Variants in C8orf89 observed in about 807,000 individuals in gnomAD.
C8orf89 encodes putative uncharacterized protein C8orf89.
In C8orf89, 14 loss-of-function variants were observed where a neutral mutation model predicts 15.8. The ratio of observed to expected loss-of-function variants is 0.89; its 90% CI spans 0.59 to 1.39. The LOEUF is 1.39. Ranked by LOEUF, C8orf89 falls within the 40% of genes most tolerant of loss-of-function variation. The pLI is 0.00. For missense variants in C8orf89, 181 were observed against 184.5 expected, an observed-to-expected ratio of 0.98 and a Z score of 0.11; for synonymous variants, 55 against 62.2, an observed-to-expected ratio of 0.88 and a Z score of 0.54.
intron 1 of C8orf89, among the ~76,000 whole-genome samples, chr8:73,258,666 T>G (rs1163818024): frequency 6.6e-6 from 1 of 151,438 alleles, no homozygotes; most frequent in East Asian, 1.9e-4. Flanking sequence ...TATCACTTTG[T>G]TGCCCAGACT....
chr8:73,241,952 A>T (rs1813015987), intron 3 of C8orf89, among the ~76,000 whole-genome samples: 1 of 152,148 alleles, frequency 6.6e-6, no homozygotes, highest in South Asian at 2.1e-4. Flanking sequence ...TTATGCAGAA[A>T]AATGAAACCA....
At chr8:73,258,216 C>T (rs147342189) in intron 1 of C8orf89, among the ~76,000 whole-genome samples, 1,625 of 152,098 alleles carry the variant, frequency 0.011, 29 homozygotes, top group African/African-American at 0.037. Flanking sequence ...TCGAGACCAT[C>T]CTGGCCAACA....
the C8orf89 span, among the ~76,000 whole-genome samples, chr8:73,265,884 C>T: frequency 2.6e-5 from 4 of 152,174 alleles, no homozygotes; most frequent in Non-Finnish European, 4.4e-5. Context: ...AACCTGGATG[C>T]CAACATGGAC....
At chr8:73,250,623 T>C (rs962332934) in intron 2 of C8orf89, among the ~76,000 whole-genome samples, 2 of 152,176 alleles carry the variant, frequency 1.3e-5, no homozygotes, top group African/African-American at 2.4e-5. Context: ...TTTGGATACG[T>C]TGAATACCAA....
intron 1 of C8orf89, among the ~76,000 whole-genome samples, chr8:73,258,401 C>T (rs1326679605): frequency 8.9e-6 from 1 of 112,626 alleles, no homozygotes; most frequent in Non-Finnish European, 1.7e-5. Flanking sequence ...CAAAGCTAGA[C>T]TCCATCTCAA....
rs185270208 is a variant in C8orf89 at position 73,245,807 on chromosome 8, C to A, written c.338-4202G>T. Among the ~76,000 whole-genome samples, 16 of 152,238 alleles carry A rather than the reference C, an allele frequency of 1.1e-4. No homozygotes were observed. The East Asian group carries it at 1.9e-3, about 18-fold the overall frequency. ...TAGAATACCTTAAGAGCCCTAAATTCAAAATGATTGAGCCAATATTAAAAG... is the reference window on the plus strand; with the variant it reads ...TAGAATACCTTAAGAGCCCTAAATTAAAAATGATTGAGCCAATATTAAAAG... On this transcript the variant is annotated intron_variant, in intron 3 of 3. Transcript: ENST00000624510.
intron 3 of C8orf89, among the ~76,000 whole-genome samples, chr8:73,248,994 A>G (rs1813188688): frequency 6.6e-6 from 1 of 151,758 alleles, no homozygotes; most frequent in African/African-American, 2.4e-5. Flanking sequence ...AAGGGTGGTG[A>G]GTGTCTTGTG....
In C8orf89 at chr8:73,259,391, C is replaced by A. The variant is rs1813477825; in HGVS notation, c.68G>T (p.Cys23Phe). 2.0e-6 allele frequency: 3 copies of A among 1,531,660 alleles called. No homozygotes were observed. The highest frequency in any genetic ancestry group is 1.4e-5 in the African/African-American group (1 of 73,034). The allele number at this position is 1,531,660 out of a possible 1,614,324, so 94.9% of individuals were successfully genotyped here. A position where few individuals can be genotyped will look rare whatever the true frequency, so the allele number is the denominator to read the frequency against. ...CTTCCAACTACTCTCAAAAATCAAA[C>A]AACTGCCAAAGGAACTTCTGGTGAA... ...SKFTRSSFGSCLIFESSWKKA... is the reference protein window; with the variant it reads ...SKFTRSSFGSFLIFESSWKKA... The change falls in exon 1 of 4, where the codon TGT (cysteine) becomes TTT (phenylalanine). Residue 23 changes from cysteine (C) to phenylalanine (F), a missense_variant. Transcript: ENST00000624510.
chr8:73,250,167 C>T, intron 3 of C8orf89, 101 bp downstream of exon 3: 1 of 690,472 alleles, frequency 1.4e-6, no homozygotes. Context: ...AGTAACAAAA[C>T]AAAGATAATT....
chr8:73,247,581 T>G (rs1422583755), intron 3 of C8orf89, among the ~76,000 whole-genome samples: 1 of 152,232 alleles, frequency 6.6e-6, no homozygotes, highest in Non-Finnish European at 1.5e-5. Flanking sequence ...TGTTCCTTTT[T>G]CTTTGTAACC....
chr8:73,271,903 C>T, the C8orf89 span, among the ~76,000 whole-genome samples: 9 of 152,224 alleles, frequency 5.9e-5, no homozygotes, highest in East Asian at 3.9e-4. Context: ...GAGATTTGGA[C>T]GGGGACACAG....
chr8:73,271,657 A>C, the C8orf89 span, among the ~76,000 whole-genome samples: 1 of 152,212 alleles, frequency 6.6e-6, no homozygotes, highest in Non-Finnish European at 1.5e-5. Context: ...TAGCAACACT[A>C]AACATACTAA....
chr8:73,241,340 A>G lies in C8orf89; in HGVS notation c.*117T>C. 1.2e-6 allele frequency: 1 copy of G among 819,590 alleles called. No individual in the cohort carries two copies. The highest frequency in any genetic ancestry group is 1.7e-6 in the Non-Finnish European group (1 of 601,534). The allele number at this position is 819,590 out of a possible 1,614,324, so 50.8% of individuals were successfully genotyped here. A position where few individuals can be genotyped will look rare whatever the true frequency, so the allele number is the denominator to read the frequency against. ...ACAAATGACTCATCTATAATGTAAA[A>G]TATTTATTTATTTACATTTCCATTT... On this transcript the variant is annotated 3_prime_UTR_variant, in exon 4 of 4. Coordinates refer to ENST00000624510, the MANE Select transcript of C8orf89 (RefSeq NM_001243237.3).
the C8orf89 span, among the ~76,000 whole-genome samples, chr8:73,272,242 C>A: frequency 6.6e-6 from 1 of 152,058 alleles, no homozygotes; most frequent in African/African-American, 2.4e-5. Context: ...TTCTAAGTTC[C>A]TTTTTCCTTT....
upstream of C8orf89, among the ~76,000 whole-genome samples, chr8:73,262,208 A>G (rs1340445071): frequency 6.6e-6 from 1 of 152,152 alleles, no homozygotes; most frequent in Non-Finnish European, 1.5e-5. Flanking sequence ...ATGACCAGAC[A>G]ACTTTCTTTC....
the C8orf89 span, chr8:73,277,493 C>A: frequency 1.2e-6 from 1 of 837,080 alleles, no homozygotes; most frequent in Non-Finnish European, 2.0e-6. Context: ...CCTGATGCCA[C>A]CACGAAAACT....
At chr8:73,266,504 A>G in the C8orf89 span, among the ~76,000 whole-genome samples, 1 of 152,214 alleles carries the variant, frequency 6.6e-6, no homozygotes, top group Non-Finnish European at 1.5e-5. Context: ...AGAGAGCCAG[A>G]CTACTTCTAT....
At chr8:73,264,923 G>T in the C8orf89 span, among the ~76,000 whole-genome samples, 16 of 152,180 alleles carry the variant, frequency 1.1e-4, no homozygotes, top group African/African-American at 3.9e-4. Flanking sequence ...AATGAGGTTG[G>T]CATGTTCTAT....
upstream of C8orf89, among the ~76,000 whole-genome samples, chr8:73,261,618 G>A (rs1813531493): frequency 6.6e-6 from 1 of 152,154 alleles, no homozygotes. Context: ...AAAAATAAAG[G>A]AGGGAAAGTT....
Sources: gnomAD v4.1 joint callset for allele counts (sites outside exome capture counted in the v4.1 genomes callset) on GRCh38, gnomAD v4.1.1 for gene constraint, MANE v1.5 for transcripts, NCBI Gene and HGNC (gene_info 2026-07-23, HGNC 2026-07-21) for gene names.